LDB3: variants seen among roughly 807,000 people sequenced by gnomAD.
LDB3 encodes the protein LIM domain-binding protein 3.
LDB3 carries 49 observed loss-of-function variants against 69.0 expected under a neutral mutation model. That is an observed-to-expected ratio of 0.71 (90% CI 0.56 to 0.90). LDB3 has a LOEUF of 0.90. Ranked by LOEUF, LDB3 falls within the 40% of genes least tolerant of loss-of-function variation. The pLI is 0.00. For missense variants in LDB3, 928 were observed against 974.1 expected, an observed-to-expected ratio of 0.95 and a Z score of 0.63; for synonymous variants, 387 against 396.2, an observed-to-expected ratio of 0.98 and a Z score of 0.28.
chr10:86,732,460 G>A (rs1467545659), intron 13 of LDB3: 2 of 454,978 alleles, frequency 4.4e-6, no homozygotes, highest in African/African-American at 2.0e-5. Context: ...GGGAGAAATA[G>A]GCTGTTGCCT....
intron 7 of LDB3, among the ~76,000 whole-genome samples, chr10:86,695,711 G>A (rs891276486): frequency 2.0e-5 from 3 of 152,136 alleles, no homozygotes; most frequent in Non-Finnish European, 2.9e-5. Flanking sequence ...CAGAGTCATC[G>A]CCACAGCTTC....
At chr10:86,690,019 G>A (rs1211455966) in intron 5 of LDB3, among the ~76,000 whole-genome samples, 2 of 152,172 alleles carry the variant, frequency 1.3e-5, no homozygotes, top group South Asian at 4.1e-4. Flanking sequence ...AAGAGTCCCT[G>A]GTCTTTGCAC....
chr10:86,690,632 C>T (rs1347508400), intron 5 of LDB3, among the ~76,000 whole-genome samples: 1 of 152,244 alleles, frequency 6.6e-6, no homozygotes, highest in Non-Finnish European at 1.5e-5. Flanking sequence ...CTGTCACACT[C>T]CTTGCAGGGA....
Position 86,699,615 on chromosome 10 carries a change from A to C in LDB3, c.897-6916A>C. The C allele has an allele frequency of 5.0e-5, 68 of 1,355,954 alleles. No homozygotes were observed. In the Middle Eastern group the frequency reaches 8.6e-4, roughly 17 times the overall value. The allele number at this position is 1,355,954 out of a possible 1,614,324, so 84.0% of individuals were successfully genotyped here. On this transcript the variant is annotated intron_variant, in intron 7 of 13. Coordinates refer to ENST00000361373, the MANE Select transcript of LDB3 (RefSeq NM_007078.3). The surrounding 1 kb of genome is among the most constrained non-coding windows in gnomAD (Gnocchi z 4.9). ...CAGGGCAACCCTCGCCACCCCCCAA[A>C]TAGCCCGTAGCCCAATCCCCTGCCC...
chr10:86,682,707 C>T (rs752846863), intron 5 of LDB3, among the ~76,000 whole-genome samples: 1 of 152,184 alleles, frequency 6.6e-6, no homozygotes, highest in East Asian at 1.9e-4. Flanking sequence ...TCACACTGTC[C>T]ATGTCTCAGG....
chr10:86,703,629 T>C (rs1846340864), intron 7 of LDB3, among the ~76,000 whole-genome samples: 1 of 152,264 alleles, frequency 6.6e-6, no homozygotes, highest in Non-Finnish European at 1.5e-5. Flanking sequence ...TCCGTGACCC[T>C]GTCACAATAT....
intron 7 of LDB3, among the ~76,000 whole-genome samples, chr10:86,696,643 C>A (rs930361012): frequency 6.6e-6 from 1 of 152,220 alleles, no homozygotes; most frequent in East Asian, 1.9e-4. Flanking sequence ...TAGGACTTGA[C>A]GATTTACAGG....
Position 86,681,346 on chromosome 10 carries a change from ATCTGT to A in LDB3, c.322-88_322-84del. 5.1e-6 allele frequency: 8 copies of A among 1,573,954 alleles called. No homozygotes were observed. In the South Asian group the frequency reaches 8.9e-5, roughly 17 times the overall value. On this transcript the variant is annotated intron_variant, in intron 4 of 13. Coordinates refer to ENST00000361373, the MANE Select transcript of LDB3 (RefSeq NM_007078.3). ...CAGGCTGCGGGGCTCGCGCTAACAC[ATCTGT>A]TTCAGGTCCACGCAGGAGCGCTGGG...
At chr10:86,726,453 G>A (rs1489943433) in intron 13 of LDB3, 1 of 616,222 alleles carries the variant, frequency 1.6e-6, no homozygotes, top group Non-Finnish European at 2.9e-6. Context: ...ATAAACCAAT[G>A]TGGCTTTGTT....
At chr10:86,676,924 C>A (rs1198185992) in intron 2 of LDB3, among the ~76,000 whole-genome samples, 2 of 152,234 alleles carry the variant, frequency 1.3e-5, no homozygotes, top group East Asian at 1.9e-4. Flanking sequence ...AAGGGACTGT[C>A]CCCAGAGCCT....
At position 86,681,686 on chromosome 10, in the gene LDB3, A is replaced by T. The variant is rs1360307628; in HGVS notation, c.572A>T (p.Gln191Leu). ...LGPKALPGSS[Q>L]PRQYNNPIGL... ...CCAAAAGCCCTGCCGGGCTCGAGCC[A>T]GCCGAGGCAATATAACAACCCCATT... The change falls in exon 5 of 14, where the codon CAG (glutamine) becomes CTG (leucine). Residue 191 changes from glutamine (Q) to leucine (L), a missense_variant. Physicochemically the swap from Gln to Leu is moderately radical, Grantham distance 113 (BLOSUM62 -2). Coordinates refer to ENST00000361373, the MANE Select transcript of LDB3 (RefSeq NM_007078.3). 3.1e-6 allele frequency: 5 copies of T among 1,613,606 alleles called. No individual in the cohort carries two copies. Among genetic ancestry groups the T allele is most frequent in the Non-Finnish European group, 4.2e-6 (5 of 1,179,910 alleles).
At chr10:86,677,611 G>A (rs1319892177) in intron 2 of LDB3, among the ~76,000 whole-genome samples, 1 of 152,212 alleles carries the variant, frequency 6.6e-6, no homozygotes, top group Non-Finnish European at 1.5e-5. Context: ...CCGGGATGGA[G>A]TTGCAGTGGC....
At chr10:86,667,018 A>G (rs1242596552), upstream of LDB3, among the ~76,000 whole-genome samples, 1 of 152,068 alleles carries the variant, frequency 6.6e-6, no homozygotes, top group African/African-American at 2.4e-5. Flanking sequence ...GCAGAGAGGG[A>G]TAGGGAATGG....
chr10:86,669,821 T>A (rs1468897010), intron 2 of LDB3, among the ~76,000 whole-genome samples: 1 of 152,220 alleles, frequency 6.6e-6, no homozygotes, highest in East Asian at 1.9e-4. Flanking sequence ...GGGTGGTAGG[T>A]AGGCAGGGGT....
At chr10:86,721,633 A>G (rs1847087829) in intron 12 of LDB3, among the ~76,000 whole-genome samples, 1 of 152,186 alleles carries the variant, frequency 6.6e-6, no homozygotes, top group Non-Finnish European at 1.5e-5. Context: ...TAGGTGTGGG[A>G]ATCAGAAGTG....
Position 86,733,181 on chromosome 10 carries a change from A to G in LDB3, c.*205A>G. ...AGACTAGGAGCCAAATGAAGACTCA[A>G]AACCAAGCTAGTTATTAATCCAAGA... On this transcript the variant is annotated 3_prime_UTR_variant, in exon 14 of 14. Transcript: ENST00000361373. 7 of 550,040 alleles carry G rather than the reference A, an allele frequency of 1.3e-5. No homozygotes were observed. The highest frequency in any genetic ancestry group is 3.2e-5 in the East Asian group (1 of 31,406). 34.1% of individuals were successfully genotyped at this position (550,040 alleles called of 1,614,324 possible). A position where few individuals can be genotyped will look rare whatever the true frequency, so the allele number is the denominator to read the frequency against.
chr10:86,674,934 T>C (rs1207571717), intron 2 of LDB3, among the ~76,000 whole-genome samples: 5 of 151,876 alleles, frequency 3.3e-5, no homozygotes, highest in Non-Finnish European at 5.9e-5. Flanking sequence ...TGATCATCCA[T>C]AGGGTCCCTG....
chr10:86,692,432 T>TG, intron 6 of LDB3, 103 bp from the exon 7 acceptor site: 1 of 1,181,908 alleles, frequency 8.5e-7, no homozygotes, highest in Non-Finnish European at 1.3e-6. Context: ...AGTCACCGTG[T>TG]GGGGCCTGGC....
At chr10:86,677,321 G>A (rs747411010) in intron 2 of LDB3, among the ~76,000 whole-genome samples, 10 of 152,194 alleles carry the variant, frequency 6.6e-5, no homozygotes, top group Admixed American at 2.0e-4. Context: ...CAGAGTCTCT[G>A]GCATTCCATG....
Sources: allele counts gnomAD v4.1 joint callset (sites outside exome capture counted in the v4.1 genomes callset), GRCh38; gene constraint gnomAD v4.1.1; non-coding constraint Gnocchi (gnomAD v3.1); transcripts MANE v1.5; gene names NCBI Gene and HGNC (gene_info 2026-07-23, HGNC 2026-07-21).